Variants in SPECC1 observed in about 807,000 individuals in gnomAD.
The protein encoded by SPECC1 is sperm antigen with calponin homology and coiled-coil domains 1.
In SPECC1, 62 loss-of-function variants were observed where a neutral mutation model predicts 104.1. The ratio of observed to expected loss-of-function variants is 0.60; its 90% CI spans 0.49 to 0.74. SPECC1 has a LOEUF of 0.74. Ranked by LOEUF, SPECC1 falls within the 30% of genes least tolerant of loss-of-function variation. The probability of loss-of-function intolerance (pLI) is 0.00; values close to 1 mark genes in which losing one functional copy is unlikely to be tolerated. For synonymous variants in SPECC1, 513 were observed against 501.6 expected, an observed-to-expected ratio of 1.02 and a Z score of -0.30; for missense variants, 1,306 against 1,310.5, an observed-to-expected ratio of 1.00 and a Z score of 0.05.
Position 20,009,366 on chromosome 17 carries a change from A to AG in SPECC1, c.-79dup, listed in dbSNP as rs2043850968. ...AGCGCGGGTCCCTCTCCTGAGCATC[A>AG]GTGAGCGCCCGGAGCCGTGGCCGCT... On this transcript the variant is annotated 5_prime_UTR_variant, in exon 1 of 15. Coordinates refer to ENST00000395527, the MANE Select transcript of SPECC1 (RefSeq NM_001243439.2). The surrounding 1 kb of genome is among the most constrained non-coding windows in gnomAD (Gnocchi z 5.2). The AG allele has an allele frequency of 6.6e-6, 1 of 151,520 alleles. No homozygotes were observed. The highest frequency in any genetic ancestry group is 2.4e-5 in the African/African-American group (1 of 40,940). 9.4% of individuals were successfully genotyped at this position (151,520 alleles called of 1,614,324 possible). A position where few individuals can be genotyped will look rare whatever the true frequency, so the allele number is the denominator to read the frequency against.
chr17:20,039,170 C>A (rs562317766), intron 1 of SPECC1, among the ~76,000 whole-genome samples: 98 of 152,294 alleles, frequency 6.4e-4, no homozygotes, highest in African/African-American at 2.2e-3. Context: ...TGTTTTATGG[C>A]CCAGGGTAGG....
At chr17:20,261,559 CAAG>C (rs1290440117) in intron 12 of SPECC1, among the ~76,000 whole-genome samples, 4 of 151,470 alleles carry the variant, frequency 2.6e-5, no homozygotes, top group Non-Finnish European at 5.9e-5. Flanking sequence ...TGCCTCCACC[CAAG>C]AAGACAGCTT....
In SPECC1 at chr17:20,318,854, A is replaced by G. The variant is rs1322281838; in HGVS notation, c.*4789A>G. 4 of 201,444 alleles carry G rather than the reference A, an allele frequency of 2.0e-5. No homozygotes were observed. Among genetic ancestry groups the G allele is most frequent in the African/African-American group, 9.2e-5 (4 of 43,366 alleles). 12.5% of individuals were successfully genotyped at this position (201,444 alleles called of 1,614,324 possible). On this transcript the variant is annotated 3_prime_UTR_variant, in exon 15 of 15. Coordinates refer to ENST00000395527, the MANE Select transcript of SPECC1 (RefSeq NM_001243439.2). ...TTTTTTTAGCACACTAACTTTAACT[A>G]CATTAGTTGAGTGTAGTTGATACAT... is the stretch of plus-strand genomic sequence containing the variant.
At chr17:20,261,243 C>T (rs1437209423) in intron 12 of SPECC1, among the ~76,000 whole-genome samples, 3 of 152,064 alleles carry the variant, frequency 2.0e-5, no homozygotes, top group Non-Finnish European at 4.4e-5. Context: ...TGGCTCACGC[C>T]TGTAATCCTA....
intron 3 of SPECC1, among the ~76,000 whole-genome samples, chr17:20,175,766 G>A (rs2034429979): frequency 6.6e-6 from 1 of 152,196 alleles, no homozygotes; most frequent in Non-Finnish European, 1.5e-5. Context: ...GACTTCTGTA[G>A]CTCAGGTCCC....
At chr17:20,306,176 T>G in intron 14 of SPECC1, 94 bp downstream of exon 14, 1 of 1,219,264 alleles carries the variant, frequency 8.2e-7, no homozygotes, top group Non-Finnish European at 1.2e-6. Context: ...AACATTGACA[T>G]CTGTTTGCCG....
chr17:20,154,080 A>G (rs1249095795), intron 3 of SPECC1, among the ~76,000 whole-genome samples: 1 of 152,246 alleles, frequency 6.6e-6, no homozygotes, highest in African/African-American at 2.4e-5. Flanking sequence ...TACTACCACT[A>G]AAAAGAAGTA....
At chr17:20,215,970 C>G (rs1395089993) in intron 4 of SPECC1, among the ~76,000 whole-genome samples, 3 of 152,098 alleles carry the variant, frequency 2.0e-5, no homozygotes, top group Non-Finnish European at 4.4e-5. Flanking sequence ...GTCAAATTAT[C>G]TGGTATCAAA....
At position 20,260,179 on chromosome 17, in the gene SPECC1, T is replaced by C; in HGVS notation, c.2838-13T>C. The C allele has an allele frequency of 6.2e-7, 1 of 1,607,164 alleles. No individual in the cohort carries two copies. The stretch of plus-strand genomic sequence containing the variant: ...GCATCTTCTCCTTACCATGTGCTCT[T>C]CTTTCTAACCAGTGTGGAAAGAAAA... On this transcript the variant is annotated splice_polypyrimidine_tract_variant and intron_variant, in intron 11 of 14. Transcript: ENST00000395527.
intron 3 of SPECC1, among the ~76,000 whole-genome samples, chr17:20,183,025 T>C (rs2035014026): frequency 6.6e-6 from 1 of 152,100 alleles, no homozygotes; most frequent in South Asian, 2.1e-4. Context: ...TAAAATATGC[T>C]GAAATATTAG....
At chr17:20,011,896 T>C (rs762904414) in intron 1 of SPECC1, among the ~76,000 whole-genome samples, 9 of 152,196 alleles carry the variant, frequency 5.9e-5, no homozygotes, top group Non-Finnish European at 1.3e-4. Flanking sequence ...TTCTTCACTT[T>C]CCATTCCTTC....
At chr17:20,059,100 G>A (rs544996012) in intron 1 of SPECC1, among the ~76,000 whole-genome samples, 108 of 151,676 alleles carry the variant, frequency 7.1e-4, no homozygotes, top group African/African-American at 1.8e-3. Flanking sequence ...TTGGCCTCCC[G>A]AAGTGCTGGG....
chr17:20,302,054 C>A (rs929484533), intron 13 of SPECC1, among the ~76,000 whole-genome samples: 2 of 152,154 alleles, frequency 1.3e-5, no homozygotes, highest in Non-Finnish European at 2.9e-5. Context: ...ATTCACTTGT[C>A]CGCCTTTGCA....
intron 12 of SPECC1, among the ~76,000 whole-genome samples, chr17:20,283,779 A>T (rs1020870566): frequency 6.6e-6 from 1 of 152,000 alleles, no homozygotes; most frequent in East Asian, 1.9e-4. Flanking sequence ...GGTAGAGATG[A>T]GGTTTCGCCA....
In SPECC1 at chr17:20,021,970, TTCAC is replaced by T. The variant is rs561832711; in HGVS notation, c.-22+12550_-22+12553del. Among the ~76,000 whole-genome samples, 493 of 151,500 alleles carry T rather than the reference TTCAC, an allele frequency of 3.3e-3. 3 individuals are homozygous for T. The highest frequency in any genetic ancestry group is 0.011 in the African/African-American group (462 of 41,372). On this transcript the variant is annotated intron_variant, in intron 1 of 14. Transcript: ENST00000395527. ...ATTATTATATTTTTTGAGATGGAGT[TTCAC>T]TCAGTCGCCCAGGCTGGAGTGCAGT... is the stretch of plus-strand genomic sequence containing the variant.
At chr17:20,197,715 T>C (rs2036131592) in intron 3 of SPECC1, among the ~76,000 whole-genome samples, 1 of 152,190 alleles carries the variant, frequency 6.6e-6, no homozygotes, top group Non-Finnish European at 1.5e-5. Flanking sequence ...CTTTTTTGTT[T>C]GTTTCAGGGA....
intron 2 of SPECC1, among the ~76,000 whole-genome samples, chr17:20,105,303 C>T (rs1054707170): frequency 2.6e-5 from 4 of 152,224 alleles, no homozygotes; most frequent in East Asian, 1.9e-4. Flanking sequence ...CTATGTTGCT[C>T]AGGCTGGTCT....
At chr17:20,067,377 A>G (rs1567822114) in intron 1 of SPECC1, 2 of 152,196 alleles carry the variant, frequency 1.3e-5, no homozygotes, top group Non-Finnish European at 2.9e-5. Context: ...TCCTGACCTA[A>G]GGTGATCCAT....
At chr17:20,242,477 C>T (rs370848696) in intron 7 of SPECC1, among the ~76,000 whole-genome samples, 3 of 152,284 alleles carry the variant, frequency 2.0e-5, no homozygotes, top group South Asian at 2.1e-4. Flanking sequence ...CAGCATCAGG[C>T]GGTCTGGCCT....
Sources: gnomAD v4.1 joint callset for allele counts (sites outside exome capture counted in the v4.1 genomes callset) on GRCh38, gnomAD v4.1.1 for gene constraint, Gnocchi (gnomAD v3.1) non-coding constraint, MANE v1.5 for transcripts, NCBI Gene and HGNC (gene_info 2026-07-23, HGNC 2026-07-21) for gene names.